LEPR: variants seen among roughly 807,000 people sequenced by gnomAD.
LEPR encodes the protein OB receptor.
Under a neutral mutation model 114.7 loss-of-function variants are expected in LEPR, and 56 were observed. The observed-to-expected ratio is 0.49, with a 90% confidence interval of 0.39 to 0.61. The LOEUF is 0.61. LEPR is among the 20% of genes least tolerant of loss of function. The pLI is 0.00. For synonymous variants in LEPR, 443 were observed against 461.4 expected, an observed-to-expected ratio of 0.96 and a Z score of 0.51; for missense variants, 1,202 against 1,352.9, an observed-to-expected ratio of 0.89 and a Z score of 1.75.
At chr1:65,598,196 A>G (rs1410149888) in intron 7 of LEPR, among the ~76,000 whole-genome samples, 1 of 147,992 alleles carries the variant, frequency 6.8e-6, no homozygotes, top group Non-Finnish European at 1.5e-5. Flanking sequence ...GGTCTCCCAA[A>G]GTGTTGGGAT....
At chr1:65,480,090 G>A (rs1460854289) in intron 2 of LEPR, among the ~76,000 whole-genome samples, 3 of 152,132 alleles carry the variant, frequency 2.0e-5, no homozygotes, top group East Asian at 3.9e-4. Flanking sequence ...TTTGAGAAAA[G>A]TAGTCAACCA....
At chr1:65,627,268 A>G (rs1422890818) in intron 19 of LEPR, among the ~76,000 whole-genome samples, 1 of 152,222 alleles carries the variant, frequency 6.6e-6, no homozygotes. Flanking sequence ...AATAGTTCAA[A>G]TGGTAAATAT....
intron 2 of LEPR, among the ~76,000 whole-genome samples, chr1:65,454,111 C>CT (rs1646830147): frequency 1.3e-5 from 2 of 150,954 alleles, no homozygotes; most frequent in South Asian, 2.1e-4. Context: ...CAACCCCTGC[C>CT]TTTTTTTGTT....
chr1:65,444,976 G>T (rs1206027630), intron 2 of LEPR, among the ~76,000 whole-genome samples: 1 of 152,154 alleles, frequency 6.6e-6, no homozygotes, highest in Non-Finnish European at 1.5e-5. Context: ...CAAGTTTTTT[G>T]ACTTCAAGGG....
At chr1:65,496,718 C>T (rs1455289536) in intron 2 of LEPR, among the ~76,000 whole-genome samples, 5 of 152,106 alleles carry the variant, frequency 3.3e-5, no homozygotes, top group Non-Finnish European at 7.4e-5. Context: ...TATCACATTC[C>T]TGACAAATAG....
intron 2 of LEPR, among the ~76,000 whole-genome samples, chr1:65,503,614 G>A (rs1429201273): frequency 1.3e-5 from 2 of 152,114 alleles, no homozygotes; most frequent in Non-Finnish European, 2.9e-5. Flanking sequence ...CAGGAAGCAC[G>A]AGCCAGGTTT....
intron 10 of LEPR, 106 bp downstream of exon 10, chr1:65,602,066 G>T (rs552358796): frequency 1.6e-5 from 16 of 1,016,490 alleles, no homozygotes; most frequent in Admixed American, 1.5e-4. Context: ...CTTCCTGAAA[G>T]AGGAAAGTAT....
At chr1:65,550,522 G>A (rs1751479) in intron 2 of LEPR, among the ~76,000 whole-genome samples, 94,098 of 151,756 alleles carry the variant, frequency 0.62, 30,112 homozygotes, top group Middle Eastern at 0.74. Context: ...GGGCCATGGC[G>A]GGTGCCCCTG....
intron 19 of LEPR, among the ~76,000 whole-genome samples, chr1:65,623,781 C>T (rs996287157): frequency 6.6e-6 from 1 of 152,100 alleles, no homozygotes; most frequent in Non-Finnish European, 1.5e-5. Context: ...AACTAAAGCC[C>T]CCTGAAGCTA....
rs1483674905 is a variant in LEPR at position 65,633,002 on chromosome 1, C to T, written c.2674-3189C>T. ...AGCCACCTTAGTTCAAAATTTTGCCCTTTCCCAAAAGGATGCATTATTGTA... is the reference window on the plus strand; with the variant it reads ...AGCCACCTTAGTTCAAAATTTTGCCTTTTCCCAAAAGGATGCATTATTGTA... On this transcript the variant is annotated intron_variant, in intron 19 of 19. Transcript: ENST00000349533. This position sits in a 1 kb window ranked among gnomAD's most constrained non-coding sequence, Gnocchi z 4.1. 1 of 644,076 alleles carries T rather than the reference C, an allele frequency of 1.6e-6. No homozygotes were observed. Among genetic ancestry groups the T allele is most frequent in the Non-Finnish European group, 2.6e-6 (1 of 381,618 alleles). The allele number at this position is 644,076 out of a possible 1,614,324, so 39.9% of individuals were successfully genotyped here.
chr1:65,433,916 A>T, intron 2 of LEPR: 2 of 985,176 alleles, frequency 2.0e-6, no homozygotes, highest in South Asian at 9.4e-5. Context: ...ATCTGTCCTA[A>T]CAGAACAGTA....
chr1:65,525,983 C>T, intron 2 of LEPR: 2 of 773,848 alleles, frequency 2.6e-6, no homozygotes, highest in Non-Finnish European at 1.6e-6. Flanking sequence ...GGGGCCAGCG[C>T]CCGGCGGGCG....
At chr1:65,565,711 G>A (rs1653687292) in intron 3 of LEPR, 106 bp downstream of exon 3, 1 of 1,379,836 alleles carries the variant, frequency 7.2e-7, no homozygotes, top group Non-Finnish European at 1.0e-6. Flanking sequence ...CCTATTTCTA[G>A]TTAGGAATTC....
intron 2 of LEPR, among the ~76,000 whole-genome samples, chr1:65,491,988 A>G (rs537404182): frequency 7.2e-4 from 109 of 152,276 alleles, no homozygotes; most frequent in Non-Finnish European, 1.3e-3. Flanking sequence ...TTAGCTAAGA[A>G]TACTGTTTCT....
intron 2 of LEPR, among the ~76,000 whole-genome samples, chr1:65,452,078 TTGTC>T (rs1370734228): frequency 6.6e-6 from 1 of 152,004 alleles, no homozygotes; most frequent in Non-Finnish European, 1.5e-5. Flanking sequence ...GGCTGTCTGT[TTGTC>T]TGTTATTGGT....
At chr1:65,508,125 C>T (rs1359656391) in intron 2 of LEPR, among the ~76,000 whole-genome samples, 26 of 151,992 alleles carry the variant, frequency 1.7e-4, no homozygotes, top group Admixed American at 1.7e-3. Flanking sequence ...AATACTTTTT[C>T]CCAGTTTATG....
chr1:65,441,926 C>T (rs1646654513), intron 2 of LEPR, among the ~76,000 whole-genome samples: 1 of 152,152 alleles, frequency 6.6e-6, no homozygotes, highest in Non-Finnish European at 1.5e-5. Flanking sequence ...GTGATACATA[C>T]TGTTGTTCAC....
intron 2 of LEPR, among the ~76,000 whole-genome samples, chr1:65,543,308 TTG>T (rs1651382450): frequency 6.6e-6 from 1 of 151,914 alleles, no homozygotes; most frequent in South Asian, 2.1e-4. Context: ...TTTGATGGGG[TTG>T]TTTGTTTTTT....
chr1:65,609,796 C>A, intron 12 of LEPR, 151 bp from the exon 13 acceptor site: 3 of 1,093,354 alleles, frequency 2.7e-6, no homozygotes, highest in Non-Finnish European at 2.7e-6. Context: ...CAATCCAAGC[C>A]TAATTGTGAC....
Sources: gnomAD v4.1 joint callset for allele counts (sites outside exome capture counted in the v4.1 genomes callset) on GRCh38, gnomAD v4.1.1 for gene constraint, Gnocchi (gnomAD v3.1) non-coding constraint, MANE v1.5 for transcripts, NCBI Gene and HGNC (gene_info 2026-07-23, HGNC 2026-07-21) for gene names.